Variants in ANPEP observed in about 807,000 individuals in gnomAD.
ANPEP encodes aminopeptidase N.
In ANPEP, 70 loss-of-function variants were observed where a neutral mutation model predicts 114.6. The observed-to-expected ratio is 0.61, with a 90% CI of 0.50 to 0.75. ANPEP has a LOEUF of 0.75. Among genes scored for constraint, ANPEP ranks in the 30% least tolerant of loss-of-function variants. The pLI is 0.00. For missense variants in ANPEP, 1,184 were observed against 1,259.5 expected (o/e 0.94, Z 0.91); for synonymous variants, 548 against 522.3 (o/e 1.05, Z -0.67).
chr15:89,793,819 T>C (rs73478004), intron 15 of ANPEP, among the ~76,000 whole-genome samples: 2,545 of 152,198 alleles, frequency 0.017, 60 homozygotes, highest in African/African-American at 0.057. Context: ...AGTTTCCACA[T>C]TGATGCATTT....
In ANPEP at chr15:89,806,835, A is replaced by T; in HGVS notation, c.-223-29T>A. 2.0e-6 allele frequency: 1 copy of T among 507,134 alleles called. No homozygotes were observed. The highest frequency in any genetic ancestry group is 3.4e-6 in the Non-Finnish European group (1 of 293,044). 31.4% of individuals were successfully genotyped at this position (507,134 alleles called of 1,614,324 possible). ...CTGGAAGCAAACAGTGTCTGGTTAC[A>T]GGCTGCAGGCGGCCTGGGATCAGGC... is the stretch of plus-strand genomic sequence containing the variant. On this transcript the variant is annotated intron_variant, in intron 1 of 20. Transcript: ENST00000300060. The surrounding 1 kb of genome is among the most constrained non-coding windows in gnomAD (Gnocchi z 5.7).
At chr15:89,797,211 G>A (rs922929166) in intron 15 of ANPEP, among the ~76,000 whole-genome samples, 7 of 152,230 alleles carry the variant, frequency 4.6e-5, no homozygotes, top group African/African-American at 1.7e-4. Context: ...CAAAAGACAG[G>A]TCTTCTGGCC....
At chr15:89,789,285 T>C (rs992901086) in intron 20 of ANPEP, among the ~76,000 whole-genome samples, 1 of 152,040 alleles carries the variant, frequency 6.6e-6, no homozygotes, top group African/African-American at 2.4e-5. Flanking sequence ...CAGCAAATTA[T>C]ATCTCAATTT....
rs1361038757 is a variant in ANPEP at position 89,805,171 on chromosome 15, C to T, written c.804G>A (p.Glu268=). The T allele has an allele frequency of 2.5e-6, 4 of 1,614,112 alleles. No individual in the cohort carries two copies. Reference sequence around the variant, plus strand: ...TGGACATCTTGGGCGTGGTGTGGAACTCAGTGACATTCCAGTTGGGGTCTT... The same window carrying T: ...TGGACATCTTGGGCGTGGTGTGGAATTCAGTGACATTCCAGTTGGGGTCTT... ...LPEDPNWNVT[E]FHTTPKMSTY... is the part of the protein sequence containing the mutation. The change falls in exon 4 of 21, where the codon GAG becomes GAA. Residue 268 remains glutamate, a synonymous_variant. Coordinates refer to ENST00000300060, the MANE Select transcript of ANPEP (RefSeq NM_001150.3).
At position 89,803,871 on chromosome 15, in the gene ANPEP, C is replaced by A; in HGVS notation, c.1293+18G>T. The A allele has an allele frequency of 6.2e-7, 1 of 1,614,122 alleles. No homozygotes were observed. Among genetic ancestry groups the A allele is most frequent in the South Asian group, 1.1e-5 (1 of 91,084 alleles). The stretch of plus-strand genomic sequence containing the variant: ...CCCTCCATGCCCCCCGCACCAGACC[C>A]CTGGGCAGCTGGCTTACCAAGTTCC... On this transcript the variant is annotated intron_variant, in intron 7 of 20. Transcript: ENST00000300060. The surrounding 1 kb of genome is among the most constrained non-coding windows in gnomAD (Gnocchi z 4.2).
intron 1 of ANPEP, among the ~76,000 whole-genome samples, chr15:89,809,604 C>G (rs988972939): frequency 5.3e-5 from 8 of 152,208 alleles, no homozygotes; most frequent in African/African-American, 1.9e-4. Flanking sequence ...AAGGGCTTCC[C>G]TCGTCCAGTC....
intron 16 of ANPEP, among the ~76,000 whole-genome samples, 185 bp downstream of exon 16, chr15:89,792,850 A>G (rs1818676986): frequency 6.6e-6 from 1 of 152,174 alleles, no homozygotes; most frequent in Non-Finnish European, 1.5e-5. Flanking sequence ...GTCTTTGTAT[A>G]AAGAGGTCCG....
At chr15:89,792,599 G>A (rs1287437017) in intron 16 of ANPEP, 37 bp from the exon 17 acceptor site, 2 of 1,574,424 alleles carry the variant, frequency 1.3e-6, no homozygotes, top group Non-Finnish European at 1.7e-6. Context: ...CACACCTGGC[G>A]AACTCCAGCC....
chr15:89,809,545 GGC>G (rs1274088330), intron 1 of ANPEP, among the ~76,000 whole-genome samples: 1 of 152,126 alleles, frequency 6.6e-6, no homozygotes, highest in African/African-American at 2.4e-5. Context: ...CCAGGCTGGG[GGC>G]ACAGAGACAG....
In ANPEP at chr15:89,790,954, C is replaced by T. The variant is rs766635145; in HGVS notation, c.2668G>A (p.Asp890Asn). 18 of 1,613,720 alleles carry T rather than the reference C, an allele frequency of 1.1e-5. No homozygotes were observed. The highest frequency in any genetic ancestry group is 1.4e-5 in the Non-Finnish European group (17 of 1,179,850). The change falls in exon 19 of 21, where the codon GAT (aspartate) becomes AAT (asparagine). Residue 890 changes from aspartate to asparagine, a missense_variant and splice_region_variant. By Grantham distance (23) the Asp-to-Asn change is conservative. Coordinates refer to ENST00000300060, the MANE Select transcript of ANPEP (RefSeq NM_001150.3). ...VQSNWKKLFN[D>N]YGGGSFSFSN... ...CTGACACCCATTCCACAGACTCACT[C>T]GTTAAAAAGCTTCTTCCAGTTGCTC...
At chr15:89,796,620 T>G (rs898193535) in intron 15 of ANPEP, among the ~76,000 whole-genome samples, 1 of 151,954 alleles carries the variant, frequency 6.6e-6, no homozygotes, top group Admixed American at 6.6e-5. Flanking sequence ...CCCGAGTAGC[T>G]GGGACTACAG....
chr15:89,811,168 CCT>C (rs1894808978), intron 1 of ANPEP, among the ~76,000 whole-genome samples: 1 of 152,190 alleles, frequency 6.6e-6, no homozygotes, highest in South Asian at 2.1e-4. Flanking sequence ...CAGGTTCCAC[CCT>C]CTCTACCCGA....
At position 89,806,842 on chromosome 15, in the gene ANPEP, A is replaced by T; in HGVS notation, c.-223-36T>A. ...CAAACAGTGTCTGGTTACAGGCTGCAGGCGGCCTGGGATCAGGCCCGAGGG... is the reference window on the plus strand; with the variant it reads ...CAAACAGTGTCTGGTTACAGGCTGCTGGCGGCCTGGGATCAGGCCCGAGGG... On this transcript the variant is annotated intron_variant, in intron 1 of 20. Coordinates refer to ENST00000300060, the MANE Select transcript of ANPEP (RefSeq NM_001150.3). This position sits in a 1 kb window ranked among gnomAD's most constrained non-coding sequence, Gnocchi z 5.7. The T allele has an allele frequency of 4.1e-6, 2 of 483,654 alleles. No individual in the cohort carries two copies. The highest frequency in any genetic ancestry group is 3.6e-5 in the Admixed American group (1 of 27,810). The allele number at this position is 483,654 out of a possible 1,614,324, so 30.0% of individuals were successfully genotyped here. A position where few individuals can be genotyped will look rare whatever the true frequency, so the allele number is the denominator to read the frequency against.
In ANPEP at chr15:89,790,915, G is replaced by T. The variant is rs77935658; in HGVS notation, c.2669+38C>A. ...GGCCACCCCCCGGGGCCCCAGCCTC[G>T]GCGCTCGCTGTCCCTGACACCCATT... is the stretch of plus-strand genomic sequence containing the variant. On this transcript the variant is annotated intron_variant, in intron 19 of 20. Transcript: ENST00000300060. 2.3e-3 allele frequency: 3,719 copies of T among 1,604,894 alleles called. 8 individuals carry two copies. Among genetic ancestry groups the T allele is most frequent in the Middle Eastern group, 5.3e-3 (32 of 6,020 alleles).
chr15:89,807,254 G>A (rs183461282), intron 1 of ANPEP, among the ~76,000 whole-genome samples: 1 of 152,228 alleles, frequency 6.6e-6, no homozygotes, highest in Non-Finnish European at 1.5e-5. Context: ...TTTTTTTGCT[G>A]AAGGCTTCAC....
chr15:89,804,073 C>T, intron 6 of ANPEP, 71 bp from the exon 7 acceptor site: 1 of 1,577,676 alleles, frequency 6.3e-7, no homozygotes, highest in Non-Finnish European at 8.7e-7. Flanking sequence ...AACTACCCTC[C>T]CCAGGGCTGG....
At chr15:89,798,853 C>T (rs1306977302) in intron 14 of ANPEP, among the ~76,000 whole-genome samples, 3 of 152,184 alleles carry the variant, frequency 2.0e-5, no homozygotes, top group Non-Finnish European at 4.4e-5. Context: ...GGCAGAGAAT[C>T]GCTTGAACCT....
intron 20 of ANPEP, among the ~76,000 whole-genome samples, chr15:89,786,977 A>C (rs1968518539): frequency 6.6e-6 from 1 of 151,986 alleles, no homozygotes; most frequent in African/African-American, 2.4e-5. Context: ...ACCTCATATC[A>C]TATACAAATA....
intron 15 of ANPEP, among the ~76,000 whole-genome samples, chr15:89,797,140 GC>G (rs542357567): frequency 2.1e-3 from 315 of 152,306 alleles, no homozygotes; most frequent in Middle Eastern, 0.014. Context: ...GTAGAGGCCT[GC>G]CCATCTGACA....
Sources: allele counts gnomAD v4.1 joint callset (sites outside exome capture counted in the v4.1 genomes callset), GRCh38; gene constraint gnomAD v4.1.1; non-coding constraint Gnocchi (gnomAD v3.1); transcripts MANE v1.5; gene names NCBI Gene and HGNC (gene_info 2026-07-23, HGNC 2026-07-21).